Variants in RAP1GAP2 observed in about 807,000 individuals in gnomAD.
RAP1GAP2 encodes the protein RAP1 GTPase activating protein 2, also known as rap1 GTPase-activating protein 2.
A neutral mutation model predicts 95.0 loss-of-function variants in RAP1GAP2; 27 were observed. That is an observed-to-expected ratio of 0.28 (90% CI 0.21 to 0.39). The LOEUF is 0.39. Ranked by LOEUF, RAP1GAP2 falls within the 10% of genes least tolerant of loss-of-function variation. The pLI is 1.00. For synonymous variants in RAP1GAP2, 373 were observed against 380.9 expected (o/e 0.98, Z 0.24); for missense variants, 771 against 970.0 (o/e 0.79, Z 2.72).
upstream of RAP1GAP2, among the ~76,000 whole-genome samples, chr17:2,793,184 G>A (rs1018128806): frequency 3.4e-5 from 5 of 145,874 alleles, no homozygotes; most frequent in South Asian, 2.1e-4. Flanking sequence ...ATAGAGTTTC[G>A]CTCTTGTCGC....
At chr17:2,998,697 T>G (rs960892603) in intron 14 of RAP1GAP2, among the ~76,000 whole-genome samples, 1 of 151,520 alleles carries the variant, frequency 6.6e-6, no homozygotes, top group Non-Finnish European at 1.5e-5. Context: ...GTGAGTGTAG[T>G]ATTTGGAATT....
chr17:2,759,336 A>G (rs571570408), intron 1 of RAP1GAP2, among the ~76,000 whole-genome samples: 1 of 152,230 alleles, frequency 6.6e-6, no homozygotes, highest in South Asian at 2.1e-4. Flanking sequence ...GATAGAGTGC[A>G]GTGGCTCAAT....
At chr17:2,781,752 G>A (rs993901985) in intron 1 of RAP1GAP2, among the ~76,000 whole-genome samples, 1 of 128,694 alleles carries the variant, frequency 7.8e-6, no homozygotes, top group Non-Finnish European at 1.6e-5. Context: ...GTGTGAGTAC[G>A]TCTCTGTGTG....
At chr17:2,980,859 G>C (rs2045330907) in intron 9 of RAP1GAP2, among the ~76,000 whole-genome samples, 1 of 152,178 alleles carries the variant, frequency 6.6e-6, no homozygotes, top group South Asian at 2.1e-4. Context: ...CAGCTGGGTT[G>C]GTTGGACCCT....
In RAP1GAP2 at chr17:3,008,886, C is replaced by T. The variant is rs182616731; in HGVS notation, c.1494+741C>T. Among the ~76,000 whole-genome samples the T allele has an allele frequency of 2.0e-3, 302 of 152,290 alleles. 1 individual carries two copies. The highest frequency in any genetic ancestry group is 2.5e-3 in the Non-Finnish European group (168 of 68,030). ...GAACGGGTCTTGTTATATTCACGAA[C>T]ACACGTGGGGACAGGATGAGAGACG... On this transcript the variant is annotated intron_variant, in intron 17 of 24. Coordinates refer to ENST00000254695, the MANE Select transcript of RAP1GAP2 (RefSeq NM_015085.5). The surrounding 1 kb of genome is among the most constrained non-coding windows in gnomAD (Gnocchi z 4.2).
At chr17:3,026,584 G>T in intron 21 of RAP1GAP2, 120 bp downstream of exon 21, 1 of 912,310 alleles carries the variant, frequency 1.1e-6, no homozygotes. Context: ...GAAAGGGGAA[G>T]AATGGAAACG....
At chr17:2,805,069 T>G (rs1262170499) in intron 2 of RAP1GAP2, among the ~76,000 whole-genome samples, 1 of 152,212 alleles carries the variant, frequency 6.6e-6, no homozygotes, top group African/African-American at 2.4e-5. Context: ...ATTACATCCC[T>G]GACTCCTTAG....
rs762909711 is a variant in RAP1GAP2 at position 3,032,362 on chromosome 17, C to T, written c.2185-49C>T. Reference sequence around the variant, plus strand: ...TGCACAGAGCCGCCGTGGAAGGGACCTGTGCTGTCTGGTTATTTAAACTCC... The same window carrying T: ...TGCACAGAGCCGCCGTGGAAGGGACTTGTGCTGTCTGGTTATTTAAACTCC... On this transcript the variant is annotated intron_variant, in intron 23 of 24. Coordinates refer to ENST00000254695, the MANE Select transcript of RAP1GAP2 (RefSeq NM_015085.5). 5.6e-6 allele frequency: 9 copies of T among 1,612,590 alleles called. No homozygotes were observed. The African/African-American group carries it at 9.3e-5, about 17-fold the overall frequency.
rs189593404 is a variant in RAP1GAP2 at position 2,813,102 on chromosome 17, C to T, written c.80+12552C>T. On this transcript the variant is annotated intron_variant, in intron 2 of 24. Coordinates refer to ENST00000254695, the MANE Select transcript of RAP1GAP2 (RefSeq NM_015085.5). ...TTTTTTTTTTTTTGAGATGGAGTCT[C>T]GCCCTGTCGCCCAGGCTGGAGTGCA... 8.4e-4 allele frequency among the ~76,000 whole-genome samples: 126 copies of T among 149,250 alleles called. 2 individuals are homozygous for T. Among genetic ancestry groups the T allele is most frequent in the African/African-American group, 2.3e-3 (93 of 40,584 alleles).
At chr17:2,886,647 G>A (rs1199253717) in intron 2 of RAP1GAP2, among the ~76,000 whole-genome samples, 2 of 152,170 alleles carry the variant, frequency 1.3e-5, no homozygotes, top group East Asian at 1.9e-4. Context: ...TGTCTCAGGC[G>A]CTTTCCCACG....
At chr17:2,897,315 G>A (rs1382842474) in intron 2 of RAP1GAP2, among the ~76,000 whole-genome samples, 2 of 152,042 alleles carry the variant, frequency 1.3e-5, no homozygotes, top group Non-Finnish European at 1.5e-5. Flanking sequence ...TCCAACCTGG[G>A]CAACAAGAGT....
chr17:2,889,812 A>G (rs2073628035), intron 2 of RAP1GAP2, among the ~76,000 whole-genome samples: 1 of 143,478 alleles, frequency 7.0e-6, no homozygotes, highest in African/African-American at 2.6e-5. Context: ...CCTCCAGAGT[A>G]GCTGGGACTA....
intron 1 of RAP1GAP2, among the ~76,000 whole-genome samples, chr17:2,758,597 G>A (rs568655224): frequency 2.0e-5 from 3 of 152,180 alleles, no homozygotes; most frequent in African/African-American, 7.2e-5. Context: ...CAGGGTGCAC[G>A]TCTGAGGCCG....
In RAP1GAP2 at chr17:3,033,963, A is replaced by AAC. The variant is rs1318193054; in HGVS notation, c.*603_*604dup. ...AAACCGTCTATCTGCTTCTGTGCTG[A>AAC]ACGCCTTTCCCATCTGCTGACGTAG... On this transcript the variant is annotated 3_prime_UTR_variant, in exon 25 of 25. Transcript: ENST00000254695. This position sits in a 1 kb window ranked among gnomAD's most constrained non-coding sequence, Gnocchi z 4.9. 1 of 152,392 alleles carries AAC rather than the reference A, an allele frequency of 6.6e-6. No individual in the cohort carries two copies. Among genetic ancestry groups the AAC allele is most frequent in the Admixed American group, 6.5e-5 (1 of 15,278 alleles). 9.4% of individuals were successfully genotyped at this position (152,392 alleles called of 1,614,324 possible).
chr17:2,801,635 G>GTGTGTGTGTGTGTGTGTGTGTGTT (rs2069301687), intron 2 of RAP1GAP2, among the ~76,000 whole-genome samples: 1 of 140,302 alleles, frequency 7.1e-6, no homozygotes, highest in African/African-American at 2.6e-5. Context: ...GTGTGTGTGT[G>GTGTGTGTGTGTGTGTGTGTGTGTT]TGTGTGTGTG....
chr17:3,031,850 G>T (rs1401107048), intron 23 of RAP1GAP2, among the ~76,000 whole-genome samples: 1 of 139,050 alleles, frequency 7.2e-6, no homozygotes, highest in Admixed American at 7.2e-5. Context: ...CCAGACTATC[G>T]AGAGCTCCAG....
chr17:2,803,284 G>C (rs181846109), intron 2 of RAP1GAP2, among the ~76,000 whole-genome samples: 3 of 152,304 alleles, frequency 2.0e-5, no homozygotes, highest in African/African-American at 7.2e-5. Flanking sequence ...GTGTAGCACT[G>C]TGTTCGGAGT....
chr17:2,808,117 C>T (rs1443359544), intron 2 of RAP1GAP2, among the ~76,000 whole-genome samples: 1 of 152,122 alleles, frequency 6.6e-6, no homozygotes, highest in Admixed American at 6.6e-5. Flanking sequence ...CCCAGTAAAT[C>T]CCGTTGTTCT....
At chr17:2,800,319 T>C in intron 1 of RAP1GAP2, 196 bp from the exon 2 acceptor site, 1 of 842,762 alleles carries the variant, frequency 1.2e-6, no homozygotes, top group Non-Finnish European at 1.4e-6. Flanking sequence ...TGTTGTAGGG[T>C]GGTGTGTGGC....
Sources: gnomAD v4.1 joint callset for allele counts (sites outside exome capture counted in the v4.1 genomes callset) on GRCh38, gnomAD v4.1.1 for gene constraint, Gnocchi (gnomAD v3.1) non-coding constraint, MANE v1.5 for transcripts, NCBI Gene and HGNC (gene_info 2026-07-23, HGNC 2026-07-21) for gene names.